MYH4: variants seen among roughly 807,000 people sequenced by gnomAD.
MYH4 encodes myosin-4.
Under a neutral mutation model 229.9 loss-of-function variants are expected in MYH4, and 200 were observed. The ratio of observed to expected loss-of-function variants is 0.87; its 90% CI spans 0.78 to 0.98. The LOEUF (loss-of-function observed/expected upper bound fraction) is 0.98. Among genes scored for constraint, MYH4 ranks in the 50% least tolerant of loss-of-function variants. MYH4 has a pLI of 0.00. For synonymous variants in MYH4, 761 were observed against 834.6 expected (o/e 0.91, Z 1.52); for missense variants, 2,148 against 2,332.6 (o/e 0.92, Z 1.63).
rs1245778373 is a variant in MYH4, at chr17:10,457,513, C to G, written c.1804G>C (p.Asp602His). The G allele has an allele frequency of 2.4e-5, 38 of 1,614,078 alleles. No homozygotes were observed. Among genetic ancestry groups the G allele is most frequent in the Non-Finnish European group, 3.2e-5 (38 of 1,180,042 alleles). ...NIAGWLDKNK[D>H]PLNETVVGLY... ...CCCACCACAGTCTCATTCAGGGGGT[C>G]CTTGTTTTTGTCCAGCCAGCCGGCG... The change falls in exon 16 of 40, where the codon GAC (aspartate) becomes CAC (histidine). Residue 602 changes from aspartate (D) to histidine (H), a missense_variant. Transcript: ENST00000255381.
intron 27 of MYH4, 106 bp downstream of exon 27, chr17:10,451,835 G>C (rs1305686724): frequency 1.4e-6 from 2 of 1,390,926 alleles, no homozygotes; most frequent in East Asian, 4.6e-5. Flanking sequence ...TTAAGCTTCA[G>C]ATGCCATCTA....
In MYH4 at chr17:10,451,356, C is replaced by T. The variant is rs1289317800; in HGVS notation, c.3835G>A (p.Ala1279Thr). 5.0e-6 allele frequency: 8 copies of T among 1,614,042 alleles called. No individual in the cohort carries two copies. The highest frequency in any genetic ancestry group is 6.8e-6 in the Non-Finnish European group (8 of 1,179,986). Residue 1279 changes from alanine (A) to threonine (T), a missense_variant, in exon 28 of 40, where the codon GCC becomes ACC. Transcript: ENST00000255381. ...EQQRLINELS[A>T]QKARLHTESG... Reference sequence around the variant, plus strand: ...TCTGTGTGTAAACGTGCCTTCTGGGCTGACAACTCATTTATTAAGCGTTGT... The same window carrying T: ...TCTGTGTGTAAACGTGCCTTCTGGGTTGACAACTCATTTATTAAGCGTTGT...
In MYH4 at chr17:10,445,089, G is replaced by A. The variant is rs1234619394; in HGVS notation, c.5353C>T (p.Arg1785Trp). 5.5e-5 allele frequency: 88 copies of A among 1,613,970 alleles called. No individual in the cohort carries two copies. The highest frequency in any genetic ancestry group is 2.3e-4 in the African/African-American group (17 of 74,928). Residue 1785 changes from arginine to tryptophan, a missense_variant, in exon 37 of 40, where the codon CGG becomes TGG. Arg to Trp is a moderately radical substitution (Grantham distance 101). Transcript: ENST00000255381. Reference sequence around the variant, plus strand: ...GTCTGCTCCATGTTCTTCTTCATCCGCTCCAGGTGGGCGCTGGTGTCCTGT... The same window carrying A: ...GTCTGCTCCATGTTCTTCTTCATCCACTCCAGGTGGGCGCTGGTGTCCTGT... The part of the protein sequence containing the change: ...KEQDTSAHLE[R>W]MKKNMEQTVK...
In MYH4 at chr17:10,448,449, TCTTTA is replaced by T. The variant is rs770255057; in HGVS notation, c.4598_4602del (p.Val1533GlufsTer4). On this transcript the variant is annotated frameshift_variant, in exon 33 of 40. Transcript: ENST00000255381. LOFTEE classifies it high-confidence loss of function. Reference sequence around the variant, plus strand: ...TCACTCTTCTCATGATCAAGTTGTTTCTTTACTTTCTCCAGTTCATGGATATGCTT... The same window carrying T: ...TCACTCTTCTCATGATCAAGTTGTTTCTTTCTCCAGTTCATGGATATGCTT... 6.2e-7 allele frequency: 1 copy of T among 1,614,028 alleles called. No homozygotes were observed. Among genetic ancestry groups the T allele is most frequent in the East Asian group, 2.2e-5 (1 of 44,868 alleles).
At chr17:10,457,765 C>A in intron 15 of MYH4, 36 bp from the exon 16 acceptor site, 1 of 1,587,262 alleles carries the variant, frequency 6.3e-7, no homozygotes, top group Non-Finnish European at 8.6e-7. Context: ...AATGATGAGT[C>A]CCTCAGAAAG....
rs1400479126 is a variant in MYH4 at position 10,443,603 on chromosome 17, A to T, written c.5668-76T>A. On this transcript the variant is annotated intron_variant, in intron 39 of 39. Coordinates refer to ENST00000255381, the MANE Select transcript of MYH4 (RefSeq NM_017533.2). This position sits in a 1 kb window ranked among gnomAD's most constrained non-coding sequence, Gnocchi z 4.6. ...TTGTTATTGCTTTTGTTACTTCAGG[A>T]TTTGCCTCATGAATGAGAAAGAAAA... is the stretch of plus-strand genomic sequence containing the variant. 1.3e-6 allele frequency: 2 copies of T among 1,488,490 alleles called. No homozygotes were observed. The highest frequency in any genetic ancestry group is 2.3e-5 in the East Asian group (1 of 43,778). The allele number at this position is 1,488,490 out of a possible 1,614,324, so 92.2% of individuals were successfully genotyped here. A position where few individuals can be genotyped will look rare whatever the true frequency, so the allele number is the denominator to read the frequency against.
In MYH4 at chr17:10,459,239, A is replaced by AGTCAT; in HGVS notation, c.1587+7_1587+11dup. ...GTTTTCATGTTTTGAAAGCTAGAAA[A>AGTCAT]GTCATATGAACCTTCTCGATGAGCT... is the stretch of plus-strand genomic sequence containing the variant. On this transcript the variant is annotated intron_variant, in intron 15 of 39. Transcript: ENST00000255381. 1 of 1,614,022 alleles carries AGTCAT rather than the reference A, an allele frequency of 6.2e-7. No homozygotes were observed. The highest frequency in any genetic ancestry group is 8.5e-7 in the Non-Finnish European group (1 of 1,179,926).
At chr17:10,447,342 C>G (rs1200251336) in intron 34 of MYH4, 126 bp from the exon 35 acceptor site, 16 of 726,736 alleles carry the variant, frequency 2.2e-5, no homozygotes, top group Non-Finnish European at 3.3e-5. Flanking sequence ...CGGCAAGTAC[C>G]TTTAATAATA....
rs1383457454 is a variant in MYH4 at position 10,447,172 on chromosome 17, G to C, written c.5010C>G (p.Asp1670Glu). 1 of 1,613,960 alleles carries C rather than the reference G, an allele frequency of 6.2e-7. No individual in the cohort carries two copies. The highest frequency in any genetic ancestry group is 8.5e-7 in the Non-Finnish European group (1 of 1,180,010). Reference protein sequence around the residue: ...HLDDAIRGQDDLKEQLAMVER... With the variant: ...HLDDAIRGQDELKEQLAMVER... ...CAACCATTGCCAGTTGTTCCTTAAG[G>C]TCATCTTGGCCTCTGATGGCATCAT... Residue 1670 changes from aspartate (D) to glutamate (E), a missense_variant, in exon 35 of 40, where the codon GAC becomes GAG. Asp to Glu is a conservative substitution (Grantham distance 45, BLOSUM62 2). Coordinates refer to ENST00000255381, the MANE Select transcript of MYH4 (RefSeq NM_017533.2).
intron 2 of MYH4, among the ~76,000 whole-genome samples, chr17:10,468,570 T>C (rs902275756): frequency 6.6e-6 from 1 of 152,258 alleles, no homozygotes; most frequent in Admixed American, 6.5e-5. Context: ...TAAAAGTACA[T>C]GTCTCCACAT....
intron 3 of MYH4, 30 bp downstream of exon 3, chr17:10,466,512 G>A (rs372550745): frequency 6.2e-7 from 1 of 1,614,000 alleles, no homozygotes; most frequent in Admixed American, 1.7e-5. Flanking sequence ...ATGAGGCAGA[G>A]TCTAATTAGC....
chr17:10,452,323 A>G lies in MYH4; in HGVS notation c.3356T>C (p.Ile1119Thr), dbSNP rs373776544. Residue 1119 changes from isoleucine to threonine, a missense_variant, in exon 27 of 40, where the codon ATT becomes ACT. Transcript: ENST00000255381. ...QKKIKELQAR[I>T]EELEEEIEAE... ...CTCGATTTCCTCCTCCAGCTCCTCA[A>G]TGCGGGCCTGGTTGTGATATGTCAA... is the stretch of plus-strand genomic sequence containing the variant. The G allele has an allele frequency of 3.0e-5, 49 of 1,613,886 alleles. No individual in the cohort carries two copies. Among genetic ancestry groups the G allele is most frequent in the African/African-American group, 9.3e-5 (7 of 74,892 alleles).
At chr17:10,460,754 A>T (rs575870504) in intron 12 of MYH4, among the ~76,000 whole-genome samples, 162 bp downstream of exon 12, 1 of 152,352 alleles carries the variant, frequency 6.6e-6, no homozygotes, top group African/African-American at 2.4e-5. Flanking sequence ...GAAATCACAA[A>T]TCTGCTAAAT....
chr17:10,465,631 A>G lies in MYH4; in HGVS notation c.349-33T>C. 3 of 1,613,752 alleles carry G rather than the reference A, an allele frequency of 1.9e-6. No individual in the cohort carries two copies. The Admixed American group carries it at 5.0e-5, about 27-fold the overall frequency. ...AAAGGACGGGGTTCCTCGATCAGCA[A>G]TCACCTTGTTTATCTATCTTGGAAA... On this transcript the variant is annotated intron_variant, in intron 4 of 39. Transcript: ENST00000255381.
Position 10,445,277 on chromosome 17 carries a change from G to T in MYH4, c.5255C>A (p.Ala1752Asp), listed in dbSNP as rs764324287. The T allele has an allele frequency of 6.2e-7, 1 of 1,614,142 alleles. No homozygotes were observed. The highest frequency in any genetic ancestry group is 1.1e-5 in the South Asian group (1 of 91,070). Residue 1752 changes from alanine to aspartate, a missense_variant, in exon 36 of 40, where the codon GCC becomes GAC. Transcript: ENST00000255381. ...QGEMEDIVQE[A>D]RNAEEKAKKA... is the part of the protein sequence containing the mutation. ...CTTGGCCTTCTCCTCTGCATTGCGGGCTTCCTGGACGATGTCCTCCATCTC... is the reference window on the plus strand; with the variant it reads ...CTTGGCCTTCTCCTCTGCATTGCGGTCTTCCTGGACGATGTCCTCCATCTC...
chr17:10,455,227 T>C lies in MYH4; in HGVS notation c.2243A>G (p.Lys748Arg), dbSNP rs752989391. 3 of 1,614,150 alleles carry C rather than the reference T, an allele frequency of 1.9e-6. No homozygotes were observed. The East Asian group carries it at 6.7e-5, about 36-fold the overall frequency. The change falls in exon 20 of 40, where the codon AAA becomes AGA. Residue 748 changes from lysine (K) to arginine (R), a missense_variant. Physicochemically the swap from Lys to Arg is conservative, Grantham distance 26. Coordinates refer to ENST00000255381, the MANE Select transcript of MYH4 (RefSeq NM_017533.2). ...GTCAATTTCAATAGACCCTAGAAGT[T>C]TCTCAGAAGCCTTCTTGCTGTCAAT... ...QFIDSKKASEKLLGSIEIDHT... is the reference protein window; with the variant it reads ...QFIDSKKASERLLGSIEIDHT...
chr17:10,448,354 C>T (rs780265824), intron 33 of MYH4, 42 bp downstream of exon 33: 13 of 1,577,294 alleles, frequency 8.2e-6, no homozygotes, highest in African/African-American at 1.4e-5. Context: ...TATTAATTTT[C>T]AATTTATTTA....
Position 10,463,419 on chromosome 17 carries a change from G to A in MYH4, c.742-18C>T. On this transcript the variant is annotated intron_variant, in intron 8 of 39. Transcript: ENST00000255381. ...AATTTACCCTTAAAAAAGAAAAGGA[G>A]GGATTATTATACACATTAAAATCAG... 4.4e-6 allele frequency: 7 copies of A among 1,608,290 alleles called. No homozygotes were observed. The highest frequency in any genetic ancestry group is 5.9e-6 in the Non-Finnish European group (7 of 1,176,998).
chr17:10,449,439 A>T (rs1567699399), intron 30 of MYH4, among the ~76,000 whole-genome samples: 1 of 152,168 alleles, frequency 6.6e-6, no homozygotes, highest in Non-Finnish European at 1.5e-5. Flanking sequence ...ACAGGAAGAG[A>T]CAGTACATTT....
Sources: gnomAD v4.1 joint callset for allele counts (sites outside exome capture counted in the v4.1 genomes callset) on GRCh38, gnomAD v4.1.1 for gene constraint, Gnocchi (gnomAD v3.1) non-coding constraint, MANE v1.5 for transcripts, NCBI Gene and HGNC (gene_info 2026-07-23, HGNC 2026-07-21) for gene names.